The following DAGLB variants were observed in gnomAD, a reference collection of about 807,000 sequenced individuals.
DAGLB encodes the protein diacylglycerol lipase beta, also known as diacylglycerol lipase-beta.
A neutral mutation model predicts 72.1 loss-of-function variants in DAGLB; 66 were observed. The observed-to-expected ratio is 0.92, with a 90% CI of 0.75 to 1.12. DAGLB has a LOEUF of 1.12. Among genes scored for constraint, DAGLB ranks in the 50% most tolerant of loss-of-function variants. The pLI, the probability that DAGLB is intolerant of heterozygous loss-of-function variation, is 0.00. For synonymous variants in DAGLB, 414 were observed against 359.5 expected (o/e 1.15, Z -1.71); for missense variants, 1,065 against 884.9 (o/e 1.20, Z -2.58).
intron 11 of DAGLB, among the ~76,000 whole-genome samples, chr7:6,414,460 A>T (rs1322289426): frequency 6.6e-6 from 1 of 151,312 alleles, no homozygotes; most frequent in Non-Finnish European, 1.5e-5. Flanking sequence ...CCACAGGCAC[A>T]CGTCACCACG....
chr7:6,426,259 T>A, intron 6 of DAGLB, 145 bp from the exon 7 acceptor site: 1 of 1,174,640 alleles, frequency 8.5e-7, no homozygotes, highest in Non-Finnish European at 1.2e-6. Flanking sequence ...AATGGCTTTT[T>A]AAAACTTAAT....
At chr7:6,432,212 T>C (rs1784507490) in intron 5 of DAGLB, among the ~76,000 whole-genome samples, 1 of 151,502 alleles carries the variant, frequency 6.6e-6, no homozygotes, top group Non-Finnish European at 1.5e-5. Flanking sequence ...ATTAGCTGAG[T>C]GTGATGGTAT....
rs145244128 is a variant in DAGLB at position 6,425,091 on chromosome 7, T to C, written c.1057-256A>G. 1.4e-4 allele frequency among the ~76,000 whole-genome samples: 22 copies of C among 152,290 alleles called. No individual in the cohort carries two copies. The East Asian group carries it at 3.3e-3, about 23-fold the overall frequency. ...TCTCTGACCTCCCCAGAGATTCGGA[T>C]TGAACTGGCCCAGGGTGCGGCCTGG... On this transcript the variant is annotated intron_variant, in intron 7 of 14. Transcript: ENST00000297056.
rs760614797 is a variant in DAGLB, at chr7:6,410,050, G to C, written c.1821-15C>G. The C allele has an allele frequency of 1.9e-6, 3 of 1,609,478 alleles. No homozygotes were observed. Among genetic ancestry groups the C allele is most frequent in the South Asian group, 2.2e-5 (2 of 90,460 alleles). ...AGCAGCCAAACCTGAAGCAGAAAAG[G>C]AGAGACAGCTCCCACGCGGCCCCAG... On this transcript the variant is annotated splice_polypyrimidine_tract_variant and intron_variant, in intron 14 of 14. Transcript: ENST00000297056.
At chr7:6,423,950 G>C (rs1448472831) in intron 8 of DAGLB, among the ~76,000 whole-genome samples, 3 of 152,098 alleles carry the variant, frequency 2.0e-5, no homozygotes, top group Admixed American at 6.5e-5. Flanking sequence ...CAGCCCTGTG[G>C]GAAGTGTGGC....
intron 6 of DAGLB, among the ~76,000 whole-genome samples, 178 bp downstream of exon 6, chr7:6,430,302 G>GGAGAGA (rs749575853): frequency 9.5e-6 from 1 of 105,460 alleles, no homozygotes; most frequent in Admixed American, 9.6e-5. Flanking sequence ...AGGGAGGGAG[G>GGAGAGA]GAGAGAGAGA....
chr7:6,417,552 G>C (rs892151888), intron 9 of DAGLB: 3 of 152,192 alleles, frequency 2.0e-5, no homozygotes, highest in East Asian at 1.9e-4. Context: ...CCTACGGCTG[G>C]TCAGATTTAG....
chr7:6,430,448 T>A (rs747698627), intron 6 of DAGLB, 32 bp downstream of exon 6: 3 of 1,432,612 alleles, frequency 2.1e-6, no homozygotes, highest in African/African-American at 1.4e-5. Context: ...AAGGGAAATA[T>A]GGCTATGGAG....
rs757280051 is a variant in DAGLB at position 6,409,588 on chromosome 7, C to T, written c.*249G>A. The T allele has an allele frequency of 1.6e-5, 9 of 550,224 alleles. No homozygotes were observed. The highest frequency in any genetic ancestry group is 2.9e-5 in the Non-Finnish European group (9 of 308,166). The allele number at this position is 550,224 out of a possible 1,614,324, so 34.1% of individuals were successfully genotyped here. A position where few individuals can be genotyped will look rare whatever the true frequency, so the allele number is the denominator to read the frequency against. On this transcript the variant is annotated 3_prime_UTR_variant, in exon 15 of 15. Transcript: ENST00000297056. ...ATCCACGGGCCAGGGCTTCCCGAGGCTGTCTCCACGGTCGCTGGGTCTCAG... is the reference window on the plus strand; with the variant it reads ...ATCCACGGGCCAGGGCTTCCCGAGGTTGTCTCCACGGTCGCTGGGTCTCAG...
rs1562486164 is a variant in DAGLB at position 6,432,954 on chromosome 7, T to A, written c.684A>T (p.Thr228=). ...AELFSTYFSD[T]DLVPSDIAAG... The stretch of plus-strand genomic sequence containing the variant: ...CCGCAATGTCGCTGGGCACCAGATC[T>A]GTGTCCTGGGTGGGAAACCACAATG... Residue 228 remains threonine (T), a synonymous_variant, in exon 5 of 15, where the codon ACA becomes ACT. Transcript: ENST00000297056. The A allele has an allele frequency of 3.1e-6, 5 of 1,613,432 alleles. No individual in the cohort carries two copies. The South Asian group carries it at 5.5e-5, about 18-fold the overall frequency.
intron 8 of DAGLB, chr7:6,422,353 C>T (rs1784156527): frequency 4.1e-6 from 1 of 246,190 alleles, no homozygotes; most frequent in Non-Finnish European, 8.2e-6. Context: ...ACAGGGGCAG[C>T]AGGACCCGCT....
chr7:6,435,860 T>C (rs950760000), intron 3 of DAGLB, among the ~76,000 whole-genome samples: 2 of 152,210 alleles, frequency 1.3e-5, no homozygotes, highest in Non-Finnish European at 2.9e-5. Context: ...GTCTGATTCC[T>C]TATTTAGAAC....
At chr7:6,442,676 A>G (rs1784870302) in intron 2 of DAGLB, among the ~76,000 whole-genome samples, 1 of 152,220 alleles carries the variant, frequency 6.6e-6, no homozygotes, top group Non-Finnish European at 1.5e-5. Context: ...CACCAATGAC[A>G]GCCTACATTT....
At chr7:6,433,666 C>G (rs1452533790) in intron 4 of DAGLB, among the ~76,000 whole-genome samples, 1 of 152,068 alleles carries the variant, frequency 6.6e-6, no homozygotes, top group Non-Finnish European at 1.5e-5. Context: ...ATGGTGAAAC[C>G]CTGTCTCTAC....
At chr7:6,424,939 G>T in intron 7 of DAGLB, 104 bp from the exon 8 acceptor site, 1 of 1,130,180 alleles carries the variant, frequency 8.8e-7, no homozygotes, top group Non-Finnish European at 1.3e-6. Context: ...AAGTCCTGCG[G>T]CACAGAGAGG....
rs1785061447 is a variant in DAGLB, at chr7:6,447,851, T to G, written c.-9A>C. On this transcript the variant is annotated 5_prime_UTR_variant, in exon 1 of 15. Transcript: ENST00000297056. ...AGTACCATCCCCGGCATGGCGAAGG[T>G]CCCGTAGCTCGCACTCAGGAGAGAC... 6.2e-7 allele frequency: 1 copy of G among 1,605,674 alleles called. No homozygotes were observed. The highest frequency in any genetic ancestry group is 8.5e-7 in the Non-Finnish European group (1 of 1,177,000).
chr7:6,417,089 T>TG, intron 9 of DAGLB, 168 bp from the exon 10 acceptor site: 1 of 727,176 alleles, frequency 1.4e-6, no homozygotes, highest in East Asian at 2.8e-5. Flanking sequence ...CCTGGCACCT[T>TG]GCACAGCGCC....
chr7:6,440,333 G>C (rs909273545), intron 2 of DAGLB, among the ~76,000 whole-genome samples: 9 of 151,014 alleles, frequency 6.0e-5, no homozygotes, highest in African/African-American at 2.2e-4. Flanking sequence ...GCGGTGAGCC[G>C]AGATCATGCC....
chr7:6,422,820 G>C (rs995271621), intron 8 of DAGLB: 5 of 152,198 alleles, frequency 3.3e-5, no homozygotes, highest in African/African-American at 1.2e-4. Context: ...CCAAACCTCA[G>C]CGTCACACAG....
Sources: gnomAD v4.1 joint callset for allele counts (sites outside exome capture counted in the v4.1 genomes callset) on GRCh38, gnomAD v4.1.1 for gene constraint, MANE v1.5 for transcripts, NCBI Gene and HGNC (gene_info 2026-07-23, HGNC 2026-07-21) for gene names.